Variants in DAAM1 observed in about 807,000 individuals in gnomAD.
The protein encoded by DAAM1 is disheveled-associated activator of morphogenesis 1.
In DAAM1, 52 loss-of-function variants were observed where a neutral mutation model predicts 130.0. That is an observed-to-expected ratio of 0.40 (90% CI 0.32 to 0.50). The LOEUF is 0.50. DAAM1 is among the 20% of genes least tolerant of loss of function. The pLI, the probability that DAAM1 is intolerant of heterozygous loss-of-function variation, is 0.61. For synonymous variants in DAAM1, 452 were observed against 444.5 expected (o/e 1.02, Z -0.21); for missense variants, 1,134 against 1,303.8 (o/e 0.87, Z 2.01).
chr14:59,247,534 ATCT>A (rs1027564760), intron 1 of DAAM1, among the ~76,000 whole-genome samples: 1 of 152,168 alleles, frequency 6.6e-6, no homozygotes. Flanking sequence ...TGTTATTTGT[ATCT>A]TCTTTAATTA....
At chr14:59,257,480 A>G (rs192284450) in intron 1 of DAAM1, among the ~76,000 whole-genome samples, 41 of 149,730 alleles carry the variant, frequency 2.7e-4, no homozygotes, top group African/African-American at 9.9e-4. Context: ...GCAGTATTTG[A>G]GCAGAATCTT....
At chr14:59,255,728 A>G (rs1881851377) in intron 1 of DAAM1, among the ~76,000 whole-genome samples, 1 of 147,148 alleles carries the variant, frequency 6.8e-6, no homozygotes, top group Non-Finnish European at 1.5e-5. Flanking sequence ...TATGGTTGTG[A>G]CATGAATTCT....
intron 3 of DAAM1, among the ~76,000 whole-genome samples, chr14:59,305,219 T>G (rs934485515): frequency 6.6e-6 from 1 of 152,264 alleles, no homozygotes; most frequent in South Asian, 2.1e-4. Flanking sequence ...ATCAAAGATT[T>G]GGCTCTTAAC....
chr14:59,291,403 A>AT lies in DAAM1; in HGVS notation c.273+98dup, dbSNP rs1883735701. On this transcript the variant is annotated intron_variant, in intron 3 of 24. Coordinates refer to ENST00000360909, the MANE Select transcript of DAAM1 (RefSeq NM_001270520.2). ...CTAGAATTGGACAGCTCTTTGTAAT[A>AT]TGAAAACCAGATTGAATGTGTTATG... 9 of 954,040 alleles carry AT rather than the reference A, an allele frequency of 9.4e-6. No individual in the cohort carries two copies. In the South Asian group the frequency reaches 1.3e-4, roughly 14 times the overall value. 59.1% of individuals were successfully genotyped at this position (954,040 alleles called of 1,614,324 possible).
chr14:59,330,387 C>A, intron 12 of DAAM1, 114 bp from the exon 13 acceptor site: 1 of 944,386 alleles, frequency 1.1e-6, no homozygotes, highest in Non-Finnish European at 1.5e-6. Context: ...ATAATATTTA[C>A]CTAATAAAGA....
intron 1 of DAAM1, among the ~76,000 whole-genome samples, chr14:59,193,370 A>C (rs1887790618): frequency 6.6e-6 from 1 of 152,192 alleles, no homozygotes; most frequent in South Asian, 2.1e-4. Flanking sequence ...AGCCCCACTG[A>C]AACAGGGACA....
chr14:59,228,241 A>G (rs1889001452), intron 1 of DAAM1, among the ~76,000 whole-genome samples: 2 of 152,136 alleles, frequency 1.3e-5, no homozygotes, highest in Non-Finnish European at 2.9e-5. Flanking sequence ...TCTTTATGGA[A>G]AAAAATAATT....
chr14:59,277,268 T>C (rs1292294565), intron 2 of DAAM1, among the ~76,000 whole-genome samples: 1 of 152,106 alleles, frequency 6.6e-6, no homozygotes, highest in East Asian at 1.9e-4. Flanking sequence ...TCCATTTCCT[T>C]CGATTGATTT....
chr14:59,338,305 G>T lies in DAAM1; in HGVS notation c.1969-1769G>T. 3 of 1,416,646 alleles carry T rather than the reference G, an allele frequency of 2.1e-6. No homozygotes were observed. The South Asian group carries it at 3.5e-5, about 16-fold the overall frequency. 87.8% of individuals were successfully genotyped at this position (1,416,646 alleles called of 1,614,324 possible). Reference sequence around the variant, plus strand: ...CATCACTTGTTTCCTTGACTGCTTTGACTTTCCCCCATTTGTTGCTGTGAC... The same window carrying T: ...CATCACTTGTTTCCTTGACTGCTTTTACTTTCCCCCATTTGTTGCTGTGAC... On this transcript the variant is annotated intron_variant, in intron 15 of 24. Transcript: ENST00000360909.
intron 15 of DAAM1, among the ~76,000 whole-genome samples, chr14:59,335,826 T>G (rs1283780628): frequency 2.0e-5 from 3 of 152,194 alleles, no homozygotes; most frequent in African/African-American, 7.2e-5. Flanking sequence ...GGGGCTCCAT[T>G]TAGAGCATTC....
intron 1 of DAAM1, among the ~76,000 whole-genome samples, chr14:59,205,951 C>T (rs1888243459): frequency 6.6e-6 from 1 of 152,052 alleles, no homozygotes; most frequent in African/African-American, 2.4e-5. Flanking sequence ...CAGGGTAGAC[C>T]TCCCCGAGCT....
chr14:59,193,334 T>C (rs1010069188), intron 1 of DAAM1, among the ~76,000 whole-genome samples: 1 of 151,880 alleles, frequency 6.6e-6, no homozygotes, highest in African/African-American at 2.4e-5. Context: ...GTTCACCCCC[T>C]TTCTCTGAGC....
intron 1 of DAAM1, among the ~76,000 whole-genome samples, chr14:59,243,736 G>A (rs1042493381): frequency 6.6e-6 from 1 of 152,142 alleles, no homozygotes. Context: ...TAGTACCTTT[G>A]TCCAGTGACT....
chr14:59,214,517 C>T (rs1888519414), intron 1 of DAAM1, among the ~76,000 whole-genome samples: 1 of 152,214 alleles, frequency 6.6e-6, no homozygotes. Flanking sequence ...TCGACCTCAA[C>T]CCTGACCCAG....
At chr14:59,262,721 T>A (rs922707889) in intron 1 of DAAM1, among the ~76,000 whole-genome samples, 1 of 150,942 alleles carries the variant, frequency 6.6e-6, no homozygotes, top group Non-Finnish European at 1.5e-5. Context: ...TTCCTTTCCT[T>A]GCTGGTGAAT....
chr14:59,330,751 C>A, intron 13 of DAAM1, 63 bp downstream of exon 13: 1 of 1,480,152 alleles, frequency 6.8e-7, no homozygotes, highest in Non-Finnish European at 9.0e-7. Context: ...GAGCCCCTCA[C>A]CCTTAAGTAG....
At chr14:59,239,085 A>G (rs2139458382) in intron 1 of DAAM1, among the ~76,000 whole-genome samples, 1 of 152,308 alleles carries the variant, frequency 6.6e-6, no homozygotes, top group African/African-American at 2.4e-5. Context: ...GCAATATCTG[A>G]TTGCCTGTGC....
At chr14:59,270,013 G>C (rs1882640135) in intron 2 of DAAM1, among the ~76,000 whole-genome samples, 1 of 152,146 alleles carries the variant, frequency 6.6e-6, no homozygotes, top group Non-Finnish European at 1.5e-5. Context: ...AAGTGCCTCT[G>C]TTTGCTTACA....
At chr14:59,189,081 C>T (rs1887644360) in intron 1 of DAAM1, among the ~76,000 whole-genome samples, 1 of 152,190 alleles carries the variant, frequency 6.6e-6, no homozygotes. Context: ...CTTTCTAAGG[C>T]GCCCGGCTGG....
Sources: allele counts gnomAD v4.1 joint callset (sites outside exome capture counted in the v4.1 genomes callset), GRCh38; gene constraint gnomAD v4.1.1; transcripts MANE v1.5; gene names NCBI Gene and HGNC (gene_info 2026-07-23, HGNC 2026-07-21).